The following FBH1 variants were observed in gnomAD, a reference collection of about 807,000 sequenced individuals.
FBH1 encodes the protein DNA 3'-5' helicase 1.
FBH1 carries 43 observed loss-of-function variants against 115.5 expected under a neutral mutation model. That is an observed-to-expected ratio of 0.37 (90% CI 0.29 to 0.48). The LOEUF (loss-of-function observed/expected upper bound fraction) is 0.48, where lower values mean the gene tolerates loss of function less well. FBH1 is among the 20% of genes least tolerant of loss of function. The pLI is 0.99. For synonymous variants in FBH1, 524 were observed against 507.8 expected, an observed-to-expected ratio of 1.03 and a Z score of -0.43; for missense variants, 1,001 against 1,337.3, an observed-to-expected ratio of 0.75 and a Z score of 3.92.
rs569739627 is a variant in FBH1, at chr10:5,915,121, C to T, written c.1397-282C>T. ...CGGGAACCCTACCTCTAATGGATACCCACTTATTTCTGAGAAGCAAACTGA... is the reference window on the plus strand; with the variant it reads ...CGGGAACCCTACCTCTAATGGATACTCACTTATTTCTGAGAAGCAAACTGA... On this transcript the variant is annotated intron_variant, in intron 8 of 20. Transcript: ENST00000362091. The surrounding 1 kb of genome is among the most constrained non-coding windows in gnomAD (Gnocchi z 5.2). 3.9e-5 allele frequency among the ~76,000 whole-genome samples: 6 copies of T among 152,190 alleles called. No homozygotes were observed. The highest frequency in any genetic ancestry group is 1.4e-4 in the African/African-American group (6 of 41,532).
chr10:5,908,138 G>A (rs753789288), intron 3 of FBH1, among the ~76,000 whole-genome samples: 7 of 152,162 alleles, frequency 4.6e-5, no homozygotes, highest in African/African-American at 7.2e-5. Flanking sequence ...TTGTGTTGCT[G>A]TTGGTTTCTA....
At position 5,911,139 on chromosome 10, in the gene FBH1, G is replaced by A. The variant is rs766411907; in HGVS notation, c.1211+11G>A. ...TAACATCAGCAATAGGTAATGCCCCGGGAGGAGGGGAGGGGATGCTGTGAT... is the reference window on the plus strand; with the variant it reads ...TAACATCAGCAATAGGTAATGCCCCAGGAGGAGGGGAGGGGATGCTGTGAT... On this transcript the variant is annotated intron_variant, in intron 6 of 20. Transcript: ENST00000362091. The surrounding 1 kb of genome is among the most constrained non-coding windows in gnomAD (Gnocchi z 5.4). 36 of 1,602,124 alleles carry A rather than the reference G, an allele frequency of 2.2e-5. 1 individual carries two copies. In the East Asian group the frequency reaches 2.7e-4, roughly 12 times the overall value.
At chr10:5,890,036 G>C (rs1005534347), upstream of FBH1, 1 of 282,090 alleles carries the variant, frequency 3.5e-6, no homozygotes, top group Non-Finnish European at 6.6e-6. Context: ...CGGAAGCGCG[G>C]ATGGGGCGTG....
rs1832408870 is a variant in FBH1, at chr10:5,923,113, C to T, written c.2323-508C>T. On this transcript the variant is annotated intron_variant, in intron 15 of 20. Transcript: ENST00000362091. This position sits in a 1 kb window ranked among gnomAD's most constrained non-coding sequence, Gnocchi z 5.7. ...GGCCAGGCTGGTCTTGAACTCCTGGCCTCAAGTGATCCACCTGCCTCAGCC... is the reference window on the plus strand; with the variant it reads ...GGCCAGGCTGGTCTTGAACTCCTGGTCTCAAGTGATCCACCTGCCTCAGCC... 6.6e-6 allele frequency among the ~76,000 whole-genome samples: 1 copy of T among 152,144 alleles called. No individual in the cohort carries two copies. The highest frequency in any genetic ancestry group is 2.4e-5 in the African/African-American group (1 of 41,426).
rs12244560 is a variant in FBH1, at chr10:5,916,569, A to G, written c.1788+113A>G. 6.4e-4 allele frequency: 619 copies of G among 974,616 alleles called. 3 individuals are homozygous for G. In the East Asian group the frequency reaches 7.2e-3, roughly 11 times the overall value. 60.4% of individuals were successfully genotyped at this position (974,616 alleles called of 1,614,324 possible). On this transcript the variant is annotated intron_variant, in intron 10 of 20. Coordinates refer to ENST00000362091, the MANE Select transcript of FBH1 (RefSeq NM_178150.3). ...AAGTGTTAGGGGTCTGAGGATGGGG[A>G]AACAGGGGAAGTGTTAGGGGTCTGA...
Position 5,914,339 on chromosome 10 carries a change from T to C in FBH1, c.1396+70T>C. ...TTTTCTCCCTACATCCCCTTCCCGC[T>C]ACCTGCCAGGGCATCTTTGCTCTGA... On this transcript the variant is annotated intron_variant, in intron 8 of 20. Coordinates refer to ENST00000362091, the MANE Select transcript of FBH1 (RefSeq NM_178150.3). This position sits in a 1 kb window ranked among gnomAD's most constrained non-coding sequence, Gnocchi z 5.2. 7.9e-7 allele frequency: 1 copy of C among 1,269,678 alleles called. No individual in the cohort carries two copies. The highest frequency in any genetic ancestry group is 1.2e-5 in the South Asian group (1 of 83,740). 78.7% of individuals were successfully genotyped at this position (1,269,678 alleles called of 1,614,324 possible). A position where few individuals can be genotyped will look rare whatever the true frequency, so the allele number is the denominator to read the frequency against.
At chr10:5,922,303 T>A (rs1832363148) in intron 15 of FBH1, among the ~76,000 whole-genome samples, 1 of 152,208 alleles carries the variant, frequency 6.6e-6, no homozygotes, top group Non-Finnish European at 1.5e-5. Flanking sequence ...ATATAATAAT[T>A]CTCATTTTTG....
rs117345213 is a variant in FBH1, at chr10:5,921,990, A to G, written c.2322+421A>G. Among the ~76,000 whole-genome samples, 196 of 152,304 alleles carry G rather than the reference A, an allele frequency of 1.3e-3. 1 individual carries two copies. In the East Asian group the frequency reaches 0.03, roughly 23 times the overall value. Reference sequence around the variant, plus strand: ...GCTTGGGGCAAGTCACAACTTCTGTATGCCTCATTCTCTCCATCTCAGATA... The same window carrying G: ...GCTTGGGGCAAGTCACAACTTCTGTGTGCCTCATTCTCTCCATCTCAGATA... On this transcript the variant is annotated intron_variant, in intron 15 of 20. Coordinates refer to ENST00000362091, the MANE Select transcript of FBH1 (RefSeq NM_178150.3). This position sits in a 1 kb window ranked among gnomAD's most constrained non-coding sequence, Gnocchi z 6.4.
rs1832966579 is a variant in FBH1, at chr10:5,931,451, AT to A, written c.2829+3911del. Among the ~76,000 whole-genome samples, 1 of 152,210 alleles carries A rather than the reference AT, an allele frequency of 6.6e-6. No individual in the cohort carries two copies. The highest frequency in any genetic ancestry group is 2.4e-5 in the African/African-American group (1 of 41,444). ...CAGCCATCATAAATTGTGTTCCATA[AT>A]CTAATTCACATTTAACACGAAAGGA... On this transcript the variant is annotated intron_variant, in intron 19 of 20. Coordinates refer to ENST00000362091, the MANE Select transcript of FBH1 (RefSeq NM_178150.3). This position sits in a 1 kb window ranked among gnomAD's most constrained non-coding sequence, Gnocchi z 4.3.
rs1831823306 is a variant in FBH1 at position 5,914,786 on chromosome 10, T to C, written c.1396+517T>C. ...CATCACAGCCTTTGCTCGTGCTATT[T>C]GCTATTTTTTTTCTGCCTGTAATCC... On this transcript the variant is annotated intron_variant, in intron 8 of 20. Transcript: ENST00000362091. The surrounding 1 kb of genome is among the most constrained non-coding windows in gnomAD (Gnocchi z 5.2). Among the ~76,000 whole-genome samples the C allele has an allele frequency of 6.6e-6, 1 of 152,218 alleles. No homozygotes were observed. The highest frequency in any genetic ancestry group is 2.4e-5 in the African/African-American group (1 of 41,444).
Position 5,924,223 on chromosome 10 carries a change from TTGC to T in FBH1, c.2399-87_2399-85del. 1.5e-6 allele frequency: 2 copies of T among 1,336,088 alleles called. No individual in the cohort carries two copies. Among genetic ancestry groups the T allele is most frequent in the Non-Finnish European group, 2.1e-6 (2 of 948,628 alleles). The allele number at this position is 1,336,088 out of a possible 1,614,324, so 82.8% of individuals were successfully genotyped here. A position where few individuals can be genotyped will look rare whatever the true frequency, so the allele number is the denominator to read the frequency against. ...CTCCCCACTTTAAGACCATCTGCTC[TTGC>T]GCAGCTGCTTAGGAACGTGCAGCAC... On this transcript the variant is annotated intron_variant, in intron 16 of 20. Transcript: ENST00000362091. The surrounding 1 kb of genome is among the most constrained non-coding windows in gnomAD (Gnocchi z 6.2).
chr10:5,934,329 G>A (rs192263072), intron 19 of FBH1: 128 of 151,634 alleles, frequency 8.4e-4, no homozygotes, highest in African/African-American at 3.1e-3. Flanking sequence ...CATTGTTGAG[G>A]TGTTAAGTGA....
At position 5,898,983 on chromosome 10, in the gene FBH1, C is replaced by T. The variant is rs1262932918; in HGVS notation, c.2-4037C>T. ...ACAGTGAGGTGGCTGCAGAAGGCTT[C>T]GATAAAGCCATTCTTACATACTTCA... is the stretch of plus-strand genomic sequence containing the variant. On this transcript the variant is annotated intron_variant, in intron 1 of 20. Transcript: ENST00000362091. Among the ~76,000 whole-genome samples, 6 of 152,158 alleles carry T rather than the reference C, an allele frequency of 3.9e-5. No homozygotes were observed. The South Asian group carries it at 8.3e-4, about 21-fold the overall frequency.
chr10:5,916,275 C>T lies in FBH1; in HGVS notation c.1607C>T (p.Pro536Leu), dbSNP rs1414460625. Residue 536 changes from proline to leucine, a missense_variant, in exon 10 of 21, where the codon CCC becomes CTC. Pro to Leu is a moderately conservative substitution (Grantham distance 98, BLOSUM62 -3). Coordinates refer to ENST00000362091, the MANE Select transcript of FBH1 (RefSeq NM_178150.3). The part of the protein sequence containing the change: ...KKKLNLFKLT[P>L]FMVNSVLAEG... ...AAGTTGAATCTCTTCAAGTTAACAC[C>T]CTTCATGGTCAACTCCGTCCTTGCT... The T allele has an allele frequency of 6.2e-7, 1 of 1,614,146 alleles. No homozygotes were observed. Among genetic ancestry groups the T allele is most frequent in the Admixed American group, 1.7e-5 (1 of 60,010 alleles).
chr10:5,893,203 G>A (rs1842834143), intron 1 of FBH1, among the ~76,000 whole-genome samples: 1 of 152,200 alleles, frequency 6.6e-6, no homozygotes, highest in African/African-American at 2.4e-5. Flanking sequence ...CTACTCGGAA[G>A]ACTGAGGCAG....
chr10:5,907,346 T>C (rs1274973085), intron 3 of FBH1, among the ~76,000 whole-genome samples: 1 of 152,220 alleles, frequency 6.6e-6, no homozygotes, highest in Non-Finnish European at 1.5e-5. Context: ...CAGCATTCAT[T>C]GCATTTCATA....
chr10:5,913,883 C>A lies in FBH1; in HGVS notation c.1304+44C>A. 7.0e-7 allele frequency: 1 copy of A among 1,418,898 alleles called. No homozygotes were observed. The highest frequency in any genetic ancestry group is 2.3e-5 in the East Asian group (1 of 43,874). The allele number at this position is 1,418,898 out of a possible 1,614,324, so 87.9% of individuals were successfully genotyped here. The stretch of plus-strand genomic sequence containing the variant: ...CAGCGTGTGTTTTGTCTTCTGTCGA[C>A]TCTTCCTCATACTTAAGGAGGGAGA... On this transcript the variant is annotated intron_variant, in intron 7 of 20. Coordinates refer to ENST00000362091, the MANE Select transcript of FBH1 (RefSeq NM_178150.3). The surrounding 1 kb of genome is among the most constrained non-coding windows in gnomAD (Gnocchi z 4.4).
At position 5,906,844 on chromosome 10, in the gene FBH1, G is replaced by T. The variant is rs1843723871; in HGVS notation, c.753+212G>T. On this transcript the variant is annotated intron_variant, in intron 3 of 20. Transcript: ENST00000362091. This position sits in a 1 kb window ranked among gnomAD's most constrained non-coding sequence, Gnocchi z 7.3. Reference sequence around the variant, plus strand: ...CTTCCACTCAACACAGCTTCCCTGAGTTCTGTCTACAGCTCATCTGCTGTG... The same window carrying T: ...CTTCCACTCAACACAGCTTCCCTGATTTCTGTCTACAGCTCATCTGCTGTG... Among the ~76,000 whole-genome samples, 1 of 152,090 alleles carries T rather than the reference G, an allele frequency of 6.6e-6. No homozygotes were observed. The highest frequency in any genetic ancestry group is 2.1e-4 in the South Asian group (1 of 4,818).
intron 3 of FBH1, 102 bp from the exon 4 acceptor site, chr10:5,908,823 C>A: frequency 1.5e-6 from 2 of 1,306,350 alleles, no homozygotes; most frequent in Non-Finnish European, 2.2e-6. Context: ...GTTGGCCATG[C>A]TAGTCTCAAA....
Sources: allele counts gnomAD v4.1 joint callset (sites outside exome capture counted in the v4.1 genomes callset), GRCh38; gene constraint gnomAD v4.1.1; non-coding constraint Gnocchi (gnomAD v3.1); transcripts MANE v1.5; gene names NCBI Gene and HGNC (gene_info 2026-07-23, HGNC 2026-07-21).